Variants in MDGA2 observed in about 807,000 individuals in gnomAD.
MDGA2 encodes the protein MAM domain containing glycosylphosphatidylinositol anchor 2.
In MDGA2, 40 loss-of-function variants were observed where a neutral mutation model predicts 117.8. The observed-to-expected ratio is 0.34, with a 90% CI of 0.26 to 0.44. The LOEUF is 0.44. MDGA2 is among the 20% of genes least tolerant of loss of function. The pLI, the probability that MDGA2 is intolerant of heterozygous loss-of-function variation, is 1.00. For synonymous variants in MDGA2, 452 were observed against 439.0 expected (o/e 1.03, Z -0.37); for missense variants, 1,123 against 1,250.6 (o/e 0.90, Z 1.54).
intron 1 of MDGA2, among the ~76,000 whole-genome samples, chr14:47,428,032 G>A (rs1049927871): frequency 2.6e-5 from 4 of 151,978 alleles, no homozygotes; most frequent in Non-Finnish European, 4.4e-5. Context: ...CAGATTTTTC[G>A]TTTCTTTTTT....
intron 8 of MDGA2, among the ~76,000 whole-genome samples, chr14:46,975,149 T>C (rs1189328396): frequency 6.6e-6 from 1 of 152,066 alleles, no homozygotes; most frequent in Non-Finnish European, 1.5e-5. Flanking sequence ...TGAGATGCCA[T>C]TTAATATCCA....
intron 1 of MDGA2, among the ~76,000 whole-genome samples, chr14:47,406,054 C>G (rs188950616): frequency 3.3e-5 from 5 of 151,998 alleles, no homozygotes; most frequent in African/African-American, 1.2e-4. Flanking sequence ...ATTAATTGAT[C>G]TCTTTATGTG....
At chr14:46,976,288 G>A (rs1482607565) in intron 8 of MDGA2, among the ~76,000 whole-genome samples, 1 of 151,890 alleles carries the variant, frequency 6.6e-6, no homozygotes, top group Non-Finnish European at 1.5e-5. Context: ...CAAAAACACA[G>A]TGGCTTAGAA....
At chr14:47,221,662 G>C (rs1487469859) in intron 2 of MDGA2, among the ~76,000 whole-genome samples, 4 of 148,496 alleles carry the variant, frequency 2.7e-5, no homozygotes, top group Admixed American at 6.7e-5. Flanking sequence ...CACTCCAGGC[G>C]GGGTGACAGA....
chr14:47,332,770 T>C (rs1270090386), intron 1 of MDGA2, among the ~76,000 whole-genome samples: 2 of 151,894 alleles, frequency 1.3e-5, no homozygotes, highest in African/African-American at 4.8e-5. Flanking sequence ...ATCGTGCACA[T>C]TGTACTCATT....
intron 8 of MDGA2, chr14:46,997,038 G>A (rs2138461763): frequency 3.5e-6 from 1 of 285,330 alleles, no homozygotes; most frequent in Non-Finnish European, 6.7e-6. Flanking sequence ...TTTGCCCAAG[G>A]TTTGAAAGAT....
chr14:47,416,583 C>A (rs1450605433), intron 1 of MDGA2, among the ~76,000 whole-genome samples: 2 of 152,166 alleles, frequency 1.3e-5, no homozygotes, highest in African/African-American at 4.8e-5. Context: ...AGGCACTGCC[C>A]TAGTGGGGAC....
intron 3 of MDGA2, among the ~76,000 whole-genome samples, chr14:47,185,355 CTTAA>C (rs1211111373): frequency 6.6e-6 from 1 of 151,334 alleles, no homozygotes; most frequent in Non-Finnish European, 1.5e-5. Flanking sequence ...CATGTATTAT[CTTAA>C]TTAATCCTAA....
intron 2 of MDGA2, among the ~76,000 whole-genome samples, chr14:47,296,067 A>G (rs1053936977): frequency 1.3e-5 from 2 of 152,166 alleles, no homozygotes; most frequent in African/African-American, 2.4e-5. Flanking sequence ...TAATGCTAAA[A>G]ATATCATTTT....
chr14:47,019,712 C>T (rs1394138623), intron 8 of MDGA2, among the ~76,000 whole-genome samples: 6 of 151,762 alleles, frequency 4.0e-5, no homozygotes, highest in South Asian at 4.2e-4. Flanking sequence ...GGCGTGGTGG[C>T]GGGCGCCTGT....
intron 5 of MDGA2, among the ~76,000 whole-genome samples, chr14:47,114,372 C>T (rs979797119): frequency 6.6e-6 from 1 of 152,034 alleles, no homozygotes; most frequent in Admixed American, 6.6e-5. Flanking sequence ...ACATTCAATG[C>T]TATTCTAATT....
chr14:46,912,777 C>T (rs945589654), intron 10 of MDGA2, among the ~76,000 whole-genome samples: 22 of 152,138 alleles, frequency 1.4e-4, no homozygotes, highest in African/African-American at 4.8e-4. Context: ...ACAGAACCTT[C>T]TACATCAGTC....
chr14:47,415,151 A>G (rs1046664152), intron 1 of MDGA2, among the ~76,000 whole-genome samples: 3 of 152,140 alleles, frequency 2.0e-5, no homozygotes, highest in Non-Finnish European at 4.4e-5. Flanking sequence ...AGTAATTTCT[A>G]TATCAGTAAC....
intron 1 of MDGA2, among the ~76,000 whole-genome samples, chr14:47,467,491 C>T (rs1046224618): frequency 6.6e-6 from 1 of 152,070 alleles, no homozygotes; most frequent in Non-Finnish European, 1.5e-5. Flanking sequence ...ATATGCCCTA[C>T]AATTGCATGA....
intron 1 of MDGA2, among the ~76,000 whole-genome samples, chr14:47,305,741 C>A (rs1277001285): frequency 6.6e-6 from 1 of 152,160 alleles, no homozygotes; most frequent in Non-Finnish European, 1.5e-5. Context: ...TAAAGGCTTA[C>A]AGCCTACTGG....
At chr14:47,672,570 C>T (rs146774209) in intron 1 of MDGA2, among the ~76,000 whole-genome samples, 3 of 152,186 alleles carry the variant, frequency 2.0e-5, no homozygotes, top group African/African-American at 7.2e-5. Context: ...TGTCTCCCCA[C>T]GTCCCCAACC....
rs919418902 is a variant in MDGA2 at position 47,085,968 on chromosome 14, T to C, written c.1195+10886A>G. Among the ~76,000 whole-genome samples the C allele has an allele frequency of 7.2e-5, 11 of 152,102 alleles. 1 individual carries two copies. Among genetic ancestry groups the C allele is most frequent in the African/African-American group, 2.4e-4 (10 of 41,464 alleles). On this transcript the variant is annotated intron_variant, in intron 6 of 16. Coordinates refer to ENST00000399232, the MANE Select transcript of MDGA2 (RefSeq NM_001113498.3). Reference sequence around the variant, plus strand: ...GATAGCAGAAAAGAATATATCTCAATGCTTTTAAATTAATTACCTTATTTT... The same window carrying C: ...GATAGCAGAAAAGAATATATCTCAACGCTTTTAAATTAATTACCTTATTTT...
At chr14:47,407,475 T>TTGTG (rs1296937755) in intron 1 of MDGA2, among the ~76,000 whole-genome samples, 4 of 152,198 alleles carry the variant, frequency 2.6e-5, no homozygotes, top group Non-Finnish European at 5.9e-5. Flanking sequence ...ACTGGAATCT[T>TTGTG]TGTGAATTCT....
In MDGA2 at chr14:47,394,289, C is replaced by A. The variant is rs10150827; in HGVS notation, c.281-92739G>T. Among the ~76,000 whole-genome samples, 1,345 of 152,160 alleles carry A rather than the reference C, an allele frequency of 8.8e-3. 19 individuals carry two copies. Among genetic ancestry groups the A allele is most frequent in the African/African-American group, 0.031 (1,281 of 41,534 alleles). On this transcript the variant is annotated intron_variant, in intron 1 of 16. Transcript: ENST00000399232. ...AGCCACTGAGGTTTTGCATAAACAA[C>A]TGAAGGAGACATAGTTTTTTAAGCC...
Sources: allele counts gnomAD v4.1 joint callset (sites outside exome capture counted in the v4.1 genomes callset), GRCh38; gene constraint gnomAD v4.1.1; transcripts MANE v1.5; gene names NCBI Gene and HGNC (gene_info 2026-07-23, HGNC 2026-07-21).